Variants in SLC12A7 observed in about 807,000 individuals in gnomAD.
SLC12A7 encodes solute carrier family 12 member 7.
A neutral mutation model predicts 120.6 loss-of-function variants in SLC12A7; 100 were observed. That is an observed-to-expected ratio of 0.83 (90% CI 0.71 to 0.98). SLC12A7 has a LOEUF of 0.98. SLC12A7 is among the 50% of genes least tolerant of loss of function. SLC12A7 has a pLI of 0.00. For synonymous variants in SLC12A7, 760 were observed against 678.0 expected (o/e 1.12, Z -1.88); for missense variants, 1,373 against 1,548.1 (o/e 0.89, Z 1.90).
intron 1 of SLC12A7, among the ~76,000 whole-genome samples, chr5:1,098,348 C>A (rs1256224046): frequency 1.3e-4 from 1 of 7,970 alleles, no homozygotes; most frequent in African/African-American, 5.8e-4. Context: ...TCTGCACACC[C>A]AGCCCCCTTC....
At chr5:1,138,118 T>C in the SLC12A7 span, among the ~76,000 whole-genome samples, 1 of 152,168 alleles carries the variant, frequency 6.6e-6, no homozygotes, top group South Asian at 2.1e-4. Flanking sequence ...CCCAGATCTT[T>C]GCAGTGTTAC....
chr5:1,063,871 G>A lies in SLC12A7; in HGVS notation c.2712C>T (p.Ile904=). The A allele has an allele frequency of 6.2e-7, 1 of 1,608,604 alleles. No individual in the cohort carries two copies. ...DLQMFLYHLR[I]SAEVEVVEMV... Reference sequence around the variant, plus strand: ...TCTCCACCACCTCCACCTCGGCGCTGATGCGCAAGTGGTACAAGAACATCT... The same window carrying A: ...TCTCCACCACCTCCACCTCGGCGCTAATGCGCAAGTGGTACAAGAACATCT... The change falls in exon 20 of 24, where the codon ATC becomes ATT. Residue 904 remains isoleucine (I), a synonymous_variant. Transcript: ENST00000264930.
rs1335273885 is a variant in SLC12A7 at position 1,075,466 on chromosome 5, G to A, written c.1872C>T (p.Ser624=). 2.5e-6 allele frequency: 4 copies of A among 1,612,094 alleles called. No individual in the cohort carries two copies. Residue 624 remains serine, a synonymous_variant, in exon 15 of 24, where the codon AGC becomes AGT. Transcript: ENST00000264930. The part of the protein sequence containing the change: ...YHWTLSFLGM[S]LCLALMFICS... Reference sequence around the variant, plus strand: ...AGATGAACATCAGCGCCAGGCACAGGCTCATACCCAGAAAGGACAGGGTCC... The same window carrying A: ...AGATGAACATCAGCGCCAGGCACAGACTCATACCCAGAAAGGACAGGGTCC...
chr5:1,094,079 C>T (rs1203544997), intron 2 of SLC12A7, 75 bp downstream of exon 2: 14 of 1,245,934 alleles, frequency 1.1e-5, no homozygotes, highest in Non-Finnish European at 1.6e-5. Flanking sequence ...GGCCTGGGGG[C>T]CCCCAGGGGC....
intron 6 of SLC12A7, 36 bp downstream of exon 6, chr5:1,086,867 T>C: frequency 6.2e-7 from 1 of 1,606,374 alleles, no homozygotes; most frequent in Non-Finnish European, 8.5e-7. Context: ...TGCCACAGAC[T>C]GTGGGGTGGG....
chr5:1,105,791 CCCAG>C lies in SLC12A7; in HGVS notation c.124+6073_124+6076del, dbSNP rs1742484607. 2.0e-5 allele frequency among the ~76,000 whole-genome samples: 3 copies of C among 152,212 alleles called. 1 individual carries two copies. In the South Asian group the frequency reaches 6.2e-4, roughly 32 times the overall value. On this transcript the variant is annotated intron_variant, in intron 1 of 23. Coordinates refer to ENST00000264930, the MANE Select transcript of SLC12A7 (RefSeq NM_006598.3). ...CCCCATGTCAGTTACCAGGAGGGCC[CCCAG>C]CCAGCTGCTCACCAGGCCCCAGACA...
the SLC12A7 span, among the ~76,000 whole-genome samples, chr5:1,120,307 C>T: frequency 1.3e-5 from 2 of 152,148 alleles, no homozygotes; most frequent in South Asian, 2.1e-4. Flanking sequence ...GTCCACAGGG[C>T]CCCCCCACCG....
chr5:1,063,472 C>T (rs1325250003), intron 20 of SLC12A7, among the ~76,000 whole-genome samples: 1 of 152,180 alleles, frequency 6.6e-6, no homozygotes, highest in East Asian at 1.9e-4. Context: ...GGGCAACACC[C>T]ACACCCGTGT....
chr5:1,102,818 G>A (rs996328396), intron 1 of SLC12A7, among the ~76,000 whole-genome samples: 3 of 152,170 alleles, frequency 2.0e-5, no homozygotes, highest in Non-Finnish European at 4.4e-5. Flanking sequence ...TGACCCAGTG[G>A]CATCAGCTCA....
At chr5:1,057,737 C>G in intron 21 of SLC12A7, 88 bp from the exon 22 acceptor site, 1 of 1,322,326 alleles carries the variant, frequency 7.6e-7, no homozygotes, top group Non-Finnish European at 1.0e-6. Flanking sequence ...GAGGTGAGGG[C>G]AGCTCACAGA....
the SLC12A7 span, among the ~76,000 whole-genome samples, chr5:1,147,192 T>C: frequency 6.7e-6 from 1 of 149,542 alleles, no homozygotes; most frequent in Non-Finnish European, 1.5e-5. Context: ...CAGGAAACAC[T>C]AAATTCCCAC....
At chr5:1,136,529 C>A in the SLC12A7 span, among the ~76,000 whole-genome samples, 1 of 92,928 alleles carries the variant, frequency 1.1e-5, no homozygotes, top group African/African-American at 6.4e-5. Flanking sequence ...CACCAGTACA[C>A]GCAGGCACAC....
intron 8 of SLC12A7, among the ~76,000 whole-genome samples, chr5:1,082,945 G>A (rs1479413963): frequency 9.6e-5 from 12 of 124,490 alleles, no homozygotes; most frequent in South Asian, 5.4e-4. Flanking sequence ...TGGGCTTCCC[G>A]TCTCGGGTTC....
At chr5:1,062,613 C>T (rs1736412834) in intron 20 of SLC12A7, among the ~76,000 whole-genome samples, 1 of 148,338 alleles carries the variant, frequency 6.7e-6, no homozygotes, top group Non-Finnish European at 1.5e-5. Context: ...CGTGCCTGGC[C>T]TCACTCACAG....
At chr5:1,130,622 G>GCTGCCCGCGCA in the SLC12A7 span, among the ~76,000 whole-genome samples, 40 of 151,716 alleles carry the variant, frequency 2.6e-4, no homozygotes, top group African/African-American at 7.5e-4. Context: ...AGCCAGGGTG[G>GCTGCCCGCGCA]GGGCAGCAGG....
At chr5:1,070,050 CCCAG>C in intron 17 of SLC12A7, among the ~76,000 whole-genome samples, 1 of 35,622 alleles carries the variant, frequency 2.8e-5, no homozygotes, top group Admixed American at 2.3e-4. Flanking sequence ...CCAGTGAGCC[CCCAG>C]TGAGCCCCCA....
At chr5:1,088,208 G>A (rs556602157) in intron 5 of SLC12A7, 98 bp downstream of exon 5, 16 of 1,269,512 alleles carry the variant, frequency 1.3e-5, no homozygotes, top group East Asian at 2.6e-5. Context: ...GGCAGCCCCC[G>A]GCCCGGCCTC....
rs1274184531 is a variant in SLC12A7, at chr5:1,054,497, TGGGGAAACGCTGGGCGGAG to T, written c.3027-1034_3027-1016del. 2.1e-4 allele frequency among the ~76,000 whole-genome samples: 32 copies of T among 152,196 alleles called. 1 individual carries two copies. The East Asian group carries it at 2.9e-3, about 14-fold the overall frequency. Reference sequence around the variant, plus strand: ...AGAACTGGCGTTCCAGGAGGCCACCTGGGGAAACGCTGGGCGGAGGGGAGCACTTGCGTTTCTGTGTTGG... The same window carrying T: ...AGAACTGGCGTTCCAGGAGGCCACCTGGGAGCACTTGCGTTTCTGTGTTGG... On this transcript the variant is annotated intron_variant, in intron 22 of 23. Transcript: ENST00000264930.
rs1357448354 is a variant in SLC12A7 at position 1,050,969 on chromosome 5, T to G, written c.*1391A>C. The G allele has an allele frequency of 1.8e-5, 7 of 398,530 alleles. No homozygotes were observed. Among genetic ancestry groups the G allele is most frequent in the Non-Finnish European group, 3.1e-5 (7 of 226,048 alleles). The allele number at this position is 398,530 out of a possible 1,614,324, so 24.7% of individuals were successfully genotyped here. On this transcript the variant is annotated 3_prime_UTR_variant, in exon 24 of 24. Transcript: ENST00000264930. Reference sequence around the variant, plus strand: ...TGCAAGCCAGACGTAGCCCAAGGCCTGGCCATCTGGGGCCTCTAGTATATA... The same window carrying G: ...TGCAAGCCAGACGTAGCCCAAGGCCGGGCCATCTGGGGCCTCTAGTATATA...
Sources: gnomAD v4.1 joint callset for allele counts (sites outside exome capture counted in the v4.1 genomes callset) on GRCh38, gnomAD v4.1.1 for gene constraint, MANE v1.5 for transcripts, NCBI Gene and HGNC (gene_info 2026-07-23, HGNC 2026-07-21) for gene names.